Variants in AKAP13 observed in about 807,000 individuals in gnomAD.
AKAP13 encodes the protein A-kinase anchor protein 13.
In AKAP13, 80 loss-of-function variants were observed where a neutral mutation model predicts 264.5. The ratio of observed to expected loss-of-function variants is 0.30; its 90% CI spans 0.25 to 0.36. AKAP13 has a LOEUF of 0.36. AKAP13 is among the 10% of genes least tolerant of loss of function. AKAP13 has a pLI of 1.00. For synonymous variants in AKAP13, 1,380 were observed against 1,250.2 expected (o/e 1.10, Z -2.19); for missense variants, 3,712 against 3,435.2 (o/e 1.08, Z -2.01).
chr15:85,473,146 A>G (rs1280909240), intron 1 of AKAP13, among the ~76,000 whole-genome samples: 1 of 152,240 alleles, frequency 6.6e-6, no homozygotes. Flanking sequence ...AAACTGTTAC[A>G]GTCAAAAAGT....
rs956850383 is a variant in AKAP13 at position 85,746,301 on chromosome 15, GTGTT to G, written c.*1628_*1631del. ...CATTTGTTTTATTTATTGTATTTGT[GTGTT>G]TGTGTTTGTTTTTTTTTAAGGGTGA... On this transcript the variant is annotated 3_prime_UTR_variant, in exon 37 of 37. Transcript: ENST00000394518. 8 of 152,280 alleles carry G rather than the reference GTGTT, an allele frequency of 5.3e-5. No individual in the cohort carries two copies. The highest frequency in any genetic ancestry group is 1.9e-4 in the African/African-American group (8 of 41,364). 9.4% of individuals were successfully genotyped at this position (152,280 alleles called of 1,614,324 possible). A position where few individuals can be genotyped will look rare whatever the true frequency, so the allele number is the denominator to read the frequency against.
At chr15:85,627,105 A>C (rs1359634514) in intron 8 of AKAP13, among the ~76,000 whole-genome samples, 1 of 152,052 alleles carries the variant, frequency 6.6e-6, no homozygotes, top group East Asian at 1.9e-4. Flanking sequence ...TGCCACCTTT[A>C]GTGTGTCTTT....
At chr15:85,723,991 TTTTG>T (rs1269928046) in intron 26 of AKAP13, among the ~76,000 whole-genome samples, 2 of 152,224 alleles carry the variant, frequency 1.3e-5, no homozygotes, top group Non-Finnish European at 2.9e-5. Flanking sequence ...ATTTGATTTT[TTTTG>T]TTTGTTTTCA....
Position 85,579,877 on chromosome 15 carries a change from T to G in AKAP13, c.1809T>G (p.Pro603=), listed in dbSNP as rs754872692. 2 of 1,614,188 alleles carry G rather than the reference T, an allele frequency of 1.2e-6. No individual in the cohort carries two copies. The highest frequency in any genetic ancestry group is 2.2e-5 in the South Asian group (2 of 91,088). The part of the protein sequence containing the change: ...AKDKISDGLE[P]YTLLAAGIGE... ...ACAAGATTTCAGATGGATTAGAACCTTATACTCTCTTAGCAGCAGGCATAG... is the reference window on the plus strand; with the variant it reads ...ACAAGATTTCAGATGGATTAGAACCGTATACTCTCTTAGCAGCAGGCATAG... Residue 603 remains proline, a synonymous_variant, in exon 7 of 37, where the codon CCT becomes CCG. Coordinates refer to ENST00000394518, the MANE Select transcript of AKAP13 (RefSeq NM_007200.5).
chr15:85,500,512 C>T (rs1335470926), intron 2 of AKAP13, among the ~76,000 whole-genome samples: 1 of 152,164 alleles, frequency 6.6e-6, no homozygotes, highest in Non-Finnish European at 1.5e-5. Flanking sequence ...ATCTATAATT[C>T]AGAAATCTAT....
chr15:85,518,986 G>A (rs2076709599), intron 2 of AKAP13, among the ~76,000 whole-genome samples: 1 of 152,122 alleles, frequency 6.6e-6, no homozygotes, highest in African/African-American at 2.4e-5. Flanking sequence ...CTAGTATCTT[G>A]GGGCACAGAG....
intron 1 of AKAP13, among the ~76,000 whole-genome samples, chr15:85,472,587 A>G (rs138059635): frequency 7.2e-4 from 110 of 152,288 alleles, no homozygotes; most frequent in African/African-American, 2.4e-3. Flanking sequence ...TGCTCAAGCA[A>G]TCCTCTCCCC....
intron 1 of AKAP13, among the ~76,000 whole-genome samples, chr15:85,422,281 A>G (rs2150902741): frequency 6.6e-6 from 1 of 152,256 alleles, no homozygotes; most frequent in Middle Eastern, 3.4e-3. Flanking sequence ...GAGGAAGGCT[A>G]CCTGACCCAG....
At chr15:85,478,689 C>T (rs2075258532) in intron 1 of AKAP13, among the ~76,000 whole-genome samples, 1 of 151,788 alleles carries the variant, frequency 6.6e-6, no homozygotes, top group African/African-American at 2.4e-5. Context: ...GTCATGCCTG[C>T]CTCCTTTGTC....
chr15:85,654,380 G>A (rs2083001863), intron 10 of AKAP13, among the ~76,000 whole-genome samples: 1 of 152,050 alleles, frequency 6.6e-6, no homozygotes, highest in South Asian at 2.1e-4. Flanking sequence ...AGACTGTTTT[G>A]TTTTCAGTTA....
intron 14 of AKAP13, among the ~76,000 whole-genome samples, chr15:85,674,472 C>G (rs2084105486): frequency 1.3e-5 from 2 of 152,148 alleles, no homozygotes; most frequent in African/African-American, 2.4e-5. Flanking sequence ...TGACCCCAAG[C>G]ATTTCAGAAG....
In AKAP13 at chr15:85,484,551, T is replaced by G. The variant is rs116957581; in HGVS notation, c.-11-1159T>G. ...GTTGTCCAGCAGAACACGTTGAAGC[T>G]TGGGGCCTGCAACTGGTGTGGAGAT... On this transcript the variant is annotated intron_variant, in intron 1 of 36. Transcript: ENST00000394518. Among the ~76,000 whole-genome samples the G allele has an allele frequency of 6.2e-3, 945 of 152,342 alleles. 3 individuals are homozygous for G. Among genetic ancestry groups the G allele is most frequent in the Non-Finnish European group, 0.011 (763 of 68,024 alleles).
chr15:85,560,069 A>G (rs924880638), intron 5 of AKAP13, among the ~76,000 whole-genome samples: 2 of 130,580 alleles, frequency 1.5e-5, no homozygotes, highest in South Asian at 5.1e-4. Context: ...TGTCTGCGTC[A>G]TGGTTTATTA....
chr15:85,749,079 C>T lies in AKAP13; in HGVS notation c.*4402C>T, dbSNP rs1433170012. The T allele has an allele frequency of 2.0e-5, 3 of 152,274 alleles. No individual in the cohort carries two copies. The highest frequency in any genetic ancestry group is 4.4e-5 in the Non-Finnish European group (3 of 68,052). The allele number at this position is 152,274 out of a possible 1,614,324, so 9.4% of individuals were successfully genotyped here. A position where few individuals can be genotyped will look rare whatever the true frequency, so the allele number is the denominator to read the frequency against. Reference sequence around the variant, plus strand: ...TTGGGATACACCGGATACCTCTGCTCTCATTGCTTGTTTGCAAATGCTCTA... The same window carrying T: ...TTGGGATACACCGGATACCTCTGCTTTCATTGCTTGTTTGCAAATGCTCTA... On this transcript the variant is annotated 3_prime_UTR_variant, in exon 37 of 37. Transcript: ENST00000394518.
At chr15:85,638,696 A>C (rs192771733) in intron 8 of AKAP13, among the ~76,000 whole-genome samples, 1 of 152,000 alleles carries the variant, frequency 6.6e-6, no homozygotes, top group African/African-American at 2.4e-5. Context: ...TTTGCTTTTT[A>C]GAATAACACA....
chr15:85,529,753 T>C (rs1191101339), intron 3 of AKAP13, among the ~76,000 whole-genome samples: 1 of 152,214 alleles, frequency 6.6e-6, no homozygotes, highest in Non-Finnish European at 1.5e-5. Flanking sequence ...AGGTACTTTA[T>C]TCTTGATCAG....
At chr15:85,397,391 G>A (rs576927891) in intron 1 of AKAP13, among the ~76,000 whole-genome samples, 3 of 152,262 alleles carry the variant, frequency 2.0e-5, no homozygotes, top group East Asian at 3.9e-4. Flanking sequence ...AGCTCACTGG[G>A]ATATGTGCCC....
At chr15:85,541,588 TTTTG>T (rs755128251) in intron 4 of AKAP13, among the ~76,000 whole-genome samples, 25 of 152,188 alleles carry the variant, frequency 1.6e-4, no homozygotes, top group East Asian at 3.8e-4. Context: ...GGAAAAGGTT[TTTTG>T]TTTGTTTGTT....
At chr15:85,669,890 A>G (rs771627173) in intron 14 of AKAP13, 60 bp downstream of exon 14, 12 of 1,319,152 alleles carry the variant, frequency 9.1e-6, no homozygotes, top group Non-Finnish European at 1.3e-5. Flanking sequence ...TCTTCCTATT[A>G]TTTTTCTCAC....
Sources: gnomAD v4.1 joint callset for allele counts (sites outside exome capture counted in the v4.1 genomes callset) on GRCh38, gnomAD v4.1.1 for gene constraint, MANE v1.5 for transcripts, NCBI Gene and HGNC (gene_info 2026-07-23, HGNC 2026-07-21) for gene names.